The following SUGCT variants were observed in gnomAD, a reference collection of about 807,000 sequenced individuals.
SUGCT encodes the protein succinyl-CoA:glutarate CoA-transferase.
A neutral mutation model predicts 55.0 loss-of-function variants in SUGCT; 41 were observed. The observed-to-expected ratio is 0.74, with a 90% CI of 0.58 to 0.97. The LOEUF (loss-of-function observed/expected upper bound fraction) is 0.97. SUGCT is among the 50% of genes least tolerant of loss of function. The probability of loss-of-function intolerance (pLI) is 0.00; values close to 1 mark genes in which losing one functional copy is unlikely to be tolerated. For missense variants in SUGCT, 568 were observed against 547.8 expected, an observed-to-expected ratio of 1.04 and a Z score of -0.37; for synonymous variants, 187 against 200.4, an observed-to-expected ratio of 0.93 and a Z score of 0.56.
At chr7:40,242,923 ATATATATATATTTTTTTTTT>A (rs1215306798) in intron 7 of SUGCT, among the ~76,000 whole-genome samples, 2 of 25,304 alleles carry the variant, frequency 7.9e-5, no homozygotes, top group African/African-American at 2.8e-4. Flanking sequence ...ATATATATAT[ATATATATATATTTTTTTTTT>A]TTTTTTTTTT....
chr7:40,331,911 A>G (rs966088647), intron 9 of SUGCT, among the ~76,000 whole-genome samples: 1 of 152,212 alleles, frequency 6.6e-6, no homozygotes, highest in Non-Finnish European at 1.5e-5. Flanking sequence ...TGTTGTTAGT[A>G]TAGCCATCTT....
At chr7:41,006,444 G>GT in the SUGCT span, among the ~76,000 whole-genome samples, 95 of 149,630 alleles carry the variant, frequency 6.3e-4, 3 homozygotes, top group South Asian at 0.02. Context: ...AAAATACCTT[G>GT]CCCTTTTTTT....
intron 6 of SUGCT, among the ~76,000 whole-genome samples, chr7:40,220,054 T>C (rs1037984506): frequency 6.6e-6 from 1 of 152,248 alleles, no homozygotes; most frequent in African/African-American, 2.4e-5. Context: ...ACACATGATT[T>C]ATCATTTAAG....
intron 9 of SUGCT, among the ~76,000 whole-genome samples, chr7:40,390,830 A>G (rs1785386542): frequency 6.6e-6 from 1 of 152,198 alleles, no homozygotes; most frequent in Non-Finnish European, 1.5e-5. Flanking sequence ...TGCCAAGATA[A>G]TCCTAAGCCA....
chr7:40,540,002 G>A (rs1794588768), intron 12 of SUGCT, among the ~76,000 whole-genome samples: 2 of 152,124 alleles, frequency 1.3e-5, no homozygotes, highest in Admixed American at 1.3e-4. Flanking sequence ...CTGGTTTGAG[G>A]TCAAGAGACT....
At chr7:40,773,920 A>G (rs752162705) in intron 13 of SUGCT, among the ~76,000 whole-genome samples, 5 of 152,344 alleles carry the variant, frequency 3.3e-5, no homozygotes, top group East Asian at 1.9e-4. Context: ...AACACTCCAC[A>G]TAGCCATTTT....
intron 9 of SUGCT, among the ~76,000 whole-genome samples, chr7:40,322,322 T>C (rs1429909360): frequency 2.0e-5 from 3 of 152,220 alleles, no homozygotes; most frequent in Non-Finnish European, 4.4e-5. Context: ...TCTCTAGTCT[T>C]CTATGAGTTT....
At chr7:40,520,564 T>C (rs981810581) in intron 12 of SUGCT, among the ~76,000 whole-genome samples, 7 of 152,182 alleles carry the variant, frequency 4.6e-5, no homozygotes, top group African/African-American at 1.7e-4. Context: ...CACAGAATGC[T>C]ACAACACAGG....
chr7:40,892,933 G>C, the SUGCT span, among the ~76,000 whole-genome samples: 1 of 152,144 alleles, frequency 6.6e-6, no homozygotes, highest in South Asian at 2.1e-4. Context: ...ACTCATTTTA[G>C]CTTTAAGGAG....
At chr7:40,183,038 C>T (rs138046327) in intron 3 of SUGCT, among the ~76,000 whole-genome samples, 4 of 152,304 alleles carry the variant, frequency 2.6e-5, no homozygotes, top group African/African-American at 7.2e-5. Context: ...TTTGGGAGGC[C>T]AAGGCAGGCG....
the SUGCT span, among the ~76,000 whole-genome samples, chr7:40,934,925 G>T: frequency 2.2e-4 from 33 of 152,284 alleles, no homozygotes; most frequent in African/African-American, 7.5e-4. Context: ...TCCATGGGCT[G>T]CACCCACTGT....
chr7:40,634,138 A>G (rs1030806832), intron 12 of SUGCT, among the ~76,000 whole-genome samples: 6 of 151,940 alleles, frequency 3.9e-5, no homozygotes, highest in South Asian at 2.1e-4. Context: ...GAGTTGGAGG[A>G]AAAAAAACAC....
At chr7:40,912,099 C>T in the SUGCT span, among the ~76,000 whole-genome samples, 1 of 151,714 alleles carries the variant, frequency 6.6e-6, no homozygotes, top group Non-Finnish European at 1.5e-5. Flanking sequence ...GGATGCTTCA[C>T]TTCAACTTAC....
intron 11 of SUGCT, among the ~76,000 whole-genome samples, chr7:40,459,884 T>G (rs1187263537): frequency 6.6e-6 from 1 of 152,224 alleles, no homozygotes; most frequent in African/African-American, 2.4e-5. Flanking sequence ...TTCTTACTGT[T>G]TCATGTCAGT....
chr7:40,720,608 C>G (rs1195405470), intron 12 of SUGCT, among the ~76,000 whole-genome samples: 1 of 152,074 alleles, frequency 6.6e-6, no homozygotes, highest in East Asian at 1.9e-4. Context: ...CTCTTTCCAG[C>G]TGAAACAAGA....
At chr7:40,392,320 C>A (rs1785481527) in intron 9 of SUGCT, among the ~76,000 whole-genome samples, 1 of 151,866 alleles carries the variant, frequency 6.6e-6, no homozygotes, top group Admixed American at 6.6e-5. Context: ...AGTCATAATA[C>A]AAATTAGATA....
At chr7:40,265,641 A>T (rs551947117) in intron 7 of SUGCT, among the ~76,000 whole-genome samples, 1 of 152,172 alleles carries the variant, frequency 6.6e-6, no homozygotes, top group African/African-American at 2.4e-5. Flanking sequence ...AGAGATCGGG[A>T]TGTAAAGGAA....
chr7:40,909,814 T>C, the SUGCT span, among the ~76,000 whole-genome samples: 14 of 152,102 alleles, frequency 9.2e-5, no homozygotes, highest in African/African-American at 3.4e-4. Flanking sequence ...TGCAGAAGAG[T>C]GAATTCATCT....
intron 9 of SUGCT, among the ~76,000 whole-genome samples, chr7:40,419,848 G>T (rs1420247935): frequency 6.6e-6 from 1 of 152,186 alleles, no homozygotes; most frequent in African/African-American, 2.4e-5. Flanking sequence ...TTATTATTCA[G>T]TGCTTCTGTC....
Sources: gnomAD v4.1 joint callset for allele counts (sites outside exome capture counted in the v4.1 genomes callset) on GRCh38, gnomAD v4.1.1 for gene constraint, MANE v1.5 for transcripts, NCBI Gene and HGNC (gene_info 2026-07-23, HGNC 2026-07-21) for gene names.